Variants in ME3 observed in about 807,000 individuals in gnomAD.
ME3 encodes NADP-dependent malic enzyme, mitochondrial.
In ME3, 48 loss-of-function variants were observed where a neutral mutation model predicts 68.9. The ratio of observed to expected loss-of-function variants is 0.70; its 90% CI spans 0.55 to 0.89. The LOEUF (loss-of-function observed/expected upper bound fraction) is 0.89, where lower values mean the gene tolerates loss of function less well. ME3 is among the 40% of genes least tolerant of loss of function. The pLI, the probability that ME3 is intolerant of heterozygous loss-of-function variation, is 0.00. For missense variants in ME3, 675 were observed against 797.4 expected, an observed-to-expected ratio of 0.85 and a Z score of 1.85; for synonymous variants, 320 against 318.8, an observed-to-expected ratio of 1.00 and a Z score of -0.04.
At chr11:86,622,160 C>T (rs889011111) in intron 2 of ME3, among the ~76,000 whole-genome samples, 1 of 152,018 alleles carries the variant, frequency 6.6e-6, no homozygotes, top group Non-Finnish European at 1.5e-5. Flanking sequence ...AGATACCTTT[C>T]ATGGATCCAG....
intron 7 of ME3, among the ~76,000 whole-genome samples, chr11:86,468,413 A>G (rs186765876): frequency 6.6e-6 from 1 of 152,156 alleles, no homozygotes; most frequent in Non-Finnish European, 1.5e-5. Flanking sequence ...CCATCCATCC[A>G]TCCATCATCC....
chr11:86,660,695 A>G (rs565256183), intron 2 of ME3, among the ~76,000 whole-genome samples: 1 of 152,038 alleles, frequency 6.6e-6, no homozygotes, highest in African/African-American at 2.4e-5. Context: ...TTACTCCCCA[A>G]ATCCTCTAAC....
intron 4 of ME3, among the ~76,000 whole-genome samples, chr11:86,512,629 G>A (rs1953623871): frequency 6.6e-6 from 1 of 152,226 alleles, no homozygotes; most frequent in Admixed American, 6.5e-5. Context: ...GATCATGTGG[G>A]TTGTGCTGTT....
At chr11:86,443,691 G>A (rs1442298949) in intron 13 of ME3, among the ~76,000 whole-genome samples, 2 of 152,248 alleles carry the variant, frequency 1.3e-5, no homozygotes, top group Non-Finnish European at 2.9e-5. Flanking sequence ...TGTCTCAGAA[G>A]TGACAAGGCT....
chr11:86,566,059 C>T (rs181352389), intron 2 of ME3, among the ~76,000 whole-genome samples: 1 of 152,230 alleles, frequency 6.6e-6, no homozygotes, highest in African/African-American at 2.4e-5. Flanking sequence ...GAGGGCTGCC[C>T]TGGCACTGGA....
chr11:86,612,132 A>G (rs773540421), intron 2 of ME3, among the ~76,000 whole-genome samples: 1 of 151,992 alleles, frequency 6.6e-6, no homozygotes, highest in African/African-American at 2.4e-5. Flanking sequence ...CTAATTTTTC[A>G]ACTCCCACTT....
At chr11:86,538,659 C>G (rs755780751) in intron 4 of ME3, among the ~76,000 whole-genome samples, 1 of 152,202 alleles carries the variant, frequency 6.6e-6, no homozygotes, top group Non-Finnish European at 1.5e-5. Flanking sequence ...TCATCAGGCT[C>G]TTCCCTCCTC....
intron 2 of ME3, among the ~76,000 whole-genome samples, chr11:86,609,188 G>T (rs1418301470): frequency 6.6e-6 from 1 of 152,200 alleles, no homozygotes; most frequent in Non-Finnish European, 1.5e-5. Flanking sequence ...ATAAAATAGT[G>T]CTTTCTCATC....
intron 7 of ME3, among the ~76,000 whole-genome samples, chr11:86,467,486 G>C (rs1950539769): frequency 6.6e-6 from 1 of 152,124 alleles, no homozygotes; most frequent in Non-Finnish European, 1.5e-5. Flanking sequence ...TATTTGGATT[G>C]GGTGGGGAGG....
At position 86,622,304 on chromosome 11, in the gene ME3, A is replaced by G. The variant is rs116434807; in HGVS notation, c.183+49458T>C. ...GGTTCTCATTTTACGCCTCCCTATC[A>G]ATGGGAGTCATTTAAAAATGCATTA... On this transcript the variant is annotated intron_variant, in intron 2 of 14. Transcript: ENST00000543262. 4.0e-3 allele frequency among the ~76,000 whole-genome samples: 601 copies of G among 152,114 alleles called. 8 individuals carry two copies. Among genetic ancestry groups the G allele is most frequent in the African/African-American group, 0.013 (551 of 41,386 alleles).
At chr11:86,520,161 G>C (rs643950) in intron 4 of ME3, among the ~76,000 whole-genome samples, 1 of 151,954 alleles carries the variant, frequency 6.6e-6, no homozygotes, top group Non-Finnish European at 1.5e-5. Context: ...CTTTCCTTCT[G>C]ACCCTCCCAG....
chr11:86,478,181 C>T (rs756768448), intron 7 of ME3, among the ~76,000 whole-genome samples: 22 of 152,112 alleles, frequency 1.4e-4, no homozygotes, highest in Non-Finnish European at 2.8e-4. Context: ...CTAGGAACTA[C>T]CATTGGTAGA....
intron 4 of ME3, among the ~76,000 whole-genome samples, chr11:86,549,206 T>C (rs556961491): frequency 3.6e-4 from 55 of 152,372 alleles, no homozygotes; most frequent in Admixed American, 3.3e-4. Flanking sequence ...AGAAGTTCAC[T>C]TAAGTTACCT....
intron 4 of ME3, among the ~76,000 whole-genome samples, chr11:86,545,541 T>C (rs1956310039): frequency 6.6e-6 from 1 of 151,946 alleles, no homozygotes; most frequent in Non-Finnish European, 1.5e-5. Flanking sequence ...AACAGGCAAA[T>C]CATGAGTGAG....
At chr11:86,625,906 A>G (rs1161837443) in intron 2 of ME3, among the ~76,000 whole-genome samples, 2 of 152,222 alleles carry the variant, frequency 1.3e-5, no homozygotes, top group African/African-American at 4.8e-5. Flanking sequence ...AAATGGGGAT[A>G]ATATGAGTAT....
chr11:86,482,007 A>G (rs1951437424), intron 7 of ME3, among the ~76,000 whole-genome samples: 1 of 152,226 alleles, frequency 6.6e-6, no homozygotes, highest in Non-Finnish European at 1.5e-5. Flanking sequence ...CATTCTTACC[A>G]ACAATATCCT....
intron 10 of ME3, among the ~76,000 whole-genome samples, chr11:86,448,971 T>G (rs1277903392): frequency 6.6e-6 from 1 of 152,170 alleles, no homozygotes; most frequent in Non-Finnish European, 1.5e-5. Flanking sequence ...AGTGGCTGTC[T>G]CTGGCAGCTT....
intron 6 of ME3, among the ~76,000 whole-genome samples, chr11:86,492,959 A>G (rs1161595757): frequency 1.3e-5 from 2 of 152,200 alleles, no homozygotes; most frequent in African/African-American, 2.4e-5. Flanking sequence ...TGGGCACAGC[A>G]CGCTTTCTCC....
intron 2 of ME3, among the ~76,000 whole-genome samples, chr11:86,598,767 A>C (rs1298610636): frequency 6.6e-6 from 1 of 152,200 alleles, no homozygotes; most frequent in East Asian, 1.9e-4. Flanking sequence ...CAGAGGAACT[A>C]TCAGACAGCA....
Sources: gnomAD v4.1 joint callset for allele counts (sites outside exome capture counted in the v4.1 genomes callset) on GRCh38, gnomAD v4.1.1 for gene constraint, MANE v1.5 for transcripts, NCBI Gene and HGNC (gene_info 2026-07-23, HGNC 2026-07-21) for gene names.